NPSR1: variants seen among roughly 807,000 people sequenced by gnomAD.
The protein encoded by NPSR1 is neuropeptide S receptor.
In NPSR1, 48 loss-of-function variants were observed where a neutral mutation model predicts 46.9. The ratio of observed to expected loss-of-function variants is 1.02; its 90% confidence interval spans 0.81 to 1.30. NPSR1 has a LOEUF of 1.30. NPSR1 is among the 50% of genes most tolerant of loss of function. The probability of loss-of-function intolerance (pLI) is 0.00; values close to 1 mark genes in which losing one functional copy is unlikely to be tolerated. For synonymous variants in NPSR1, 176 were observed against 168.1 expected (o/e 1.05, Z -0.36); for missense variants, 450 against 449.5 (o/e 1.00, Z -0.01).
intron 2 of NPSR1, among the ~76,000 whole-genome samples, chr7:34,720,277 GAA>G (rs35040022): frequency 7.2e-6 from 1 of 139,512 alleles, no homozygotes. Context: ...AAGATTCCGA[GAA>G]AAAAAAAAAA....
intron 7 of NPSR1, chr7:34,845,512 C>G (rs1584136463): frequency 4.4e-6 from 2 of 451,306 alleles, no homozygotes; most frequent in Admixed American, 4.9e-5. Flanking sequence ...CTGAAATGCT[C>G]TGCTCTCCGG....
chr7:34,721,505 T>G (rs1226786380), intron 2 of NPSR1, among the ~76,000 whole-genome samples: 1 of 152,214 alleles, frequency 6.6e-6, no homozygotes, highest in Non-Finnish European at 1.5e-5. Flanking sequence ...CATCACATCT[T>G]GCCAAAGCAT....
chr7:34,667,235 G>A (rs1791797313), intron 1 of NPSR1, among the ~76,000 whole-genome samples: 1 of 152,212 alleles, frequency 6.6e-6, no homozygotes, highest in African/African-American at 2.4e-5. Context: ...GGCTGCTCTA[G>A]CCCCAGGCAT....
intron 1 of NPSR1, among the ~76,000 whole-genome samples, chr7:34,683,608 G>C (rs1792772882): frequency 6.6e-6 from 1 of 152,110 alleles, no homozygotes; most frequent in Non-Finnish European, 1.5e-5. Flanking sequence ...TTTCTACAGT[G>C]CCAGGGTCTG....
intron 2 of NPSR1, among the ~76,000 whole-genome samples, chr7:34,745,792 G>A (rs1294804465): frequency 1.3e-5 from 2 of 152,150 alleles, no homozygotes; most frequent in Non-Finnish European, 2.9e-5. Flanking sequence ...GGGATTACAG[G>A]TGTGAGCCAC....
Position 34,703,969 on chromosome 7 carries a change from A to T in NPSR1, c.280+19285A>T, listed in dbSNP as rs557262982. On this transcript the variant is annotated intron_variant, in intron 2 of 8. Coordinates refer to ENST00000360581, the MANE Select transcript of NPSR1 (RefSeq NM_207172.2). ...TCATTTCCTTTTTCTGGTAGGGCCA[A>T]ATCTTCTCATATTGGGAAAGGAAAT... 3.3e-5 allele frequency: 5 copies of T among 152,372 alleles called. No homozygotes were observed. The East Asian group carries it at 9.6e-4, about 29-fold the overall frequency. 9.4% of individuals were successfully genotyped at this position (152,372 alleles called of 1,614,324 possible). A position where few individuals can be genotyped will look rare whatever the true frequency, so the allele number is the denominator to read the frequency against.
chr7:34,716,811 C>A (rs1783597361), intron 2 of NPSR1, among the ~76,000 whole-genome samples: 1 of 152,142 alleles, frequency 6.6e-6, no homozygotes, highest in South Asian at 2.1e-4. Flanking sequence ...GGGAGCATCA[C>A]AGCTTAAGGG....
intron 3 of NPSR1, among the ~76,000 whole-genome samples, chr7:34,807,616 T>G (rs1028197494): frequency 6.6e-6 from 1 of 152,178 alleles, no homozygotes; most frequent in African/African-American, 2.4e-5. Context: ...TTTCCACACT[T>G]AGATATCTAA....
At chr7:34,839,705 C>T (rs1790499134) in intron 6 of NPSR1, among the ~76,000 whole-genome samples, 1 of 152,158 alleles carries the variant, frequency 6.6e-6, no homozygotes, top group Admixed American at 6.5e-5. Flanking sequence ...TTGTTCCACA[C>T]AGTCATTCAG....
chr7:34,877,290 C>T (rs536925519), intron 8 of NPSR1, among the ~76,000 whole-genome samples: 3 of 152,288 alleles, frequency 2.0e-5, no homozygotes, highest in East Asian at 3.9e-4. Flanking sequence ...CAGAGCCAAG[C>T]TGAGATCAAA....
At chr7:34,778,217 C>A (rs1368462277) in intron 2 of NPSR1, among the ~76,000 whole-genome samples, 1 of 152,092 alleles carries the variant, frequency 6.6e-6, no homozygotes, top group Non-Finnish European at 1.5e-5. Flanking sequence ...AGCATGATTC[C>A]TCTTCAGTCA....
At chr7:34,666,164 T>G (rs578204636) in intron 1 of NPSR1, among the ~76,000 whole-genome samples, 20 of 152,368 alleles carry the variant, frequency 1.3e-4, no homozygotes, top group Middle Eastern at 3.4e-3. Context: ...AGCCATGTTC[T>G]ATATTATTTA....
At chr7:34,787,811 T>C (rs1787532319) in intron 3 of NPSR1, among the ~76,000 whole-genome samples, 1 of 152,194 alleles carries the variant, frequency 6.6e-6, no homozygotes, top group Admixed American at 6.5e-5. Flanking sequence ...TCACCTTATA[T>C]GGATGTGATT....
chr7:34,853,113 C>G (rs149912151), downstream of NPSR1, among the ~76,000 whole-genome samples: 62 of 152,262 alleles, frequency 4.1e-4, no homozygotes, highest in African/African-American at 1.4e-3. Flanking sequence ...CAGCCCAACA[C>G]GCAGCTTAAA....
chr7:34,715,446 C>A (rs568542346), intron 2 of NPSR1, among the ~76,000 whole-genome samples: 34 of 152,344 alleles, frequency 2.2e-4, no homozygotes, highest in Non-Finnish European at 2.9e-4. Context: ...GTCAGCCCTA[C>A]AGAACCTTCT....
rs907167824 is a variant in NPSR1, at chr7:34,700,090, G to C, written c.280+15406G>C. On this transcript the variant is annotated intron_variant, in intron 2 of 8. Transcript: ENST00000360581. ...TAACTTGGGAACACAGTAAGGGAAG[G>C]AAAATAACTTTGTTGTGGAGAGGGC... 6.6e-5 allele frequency among the ~76,000 whole-genome samples: 10 copies of C among 152,302 alleles called. 1 individual carries two copies. The highest frequency in any genetic ancestry group is 4.6e-4 in the Admixed American group (7 of 15,306).
intron 4 of NPSR1, among the ~76,000 whole-genome samples, chr7:34,820,779 T>A (rs1488613044): frequency 6.6e-6 from 1 of 152,204 alleles, no homozygotes; most frequent in Non-Finnish European, 1.5e-5. Context: ...TTTTTTCTGG[T>A]TGACAATTGG....
intron 2 of NPSR1, chr7:34,750,251 C>G: frequency 3.1e-6 from 2 of 649,862 alleles, no homozygotes; most frequent in Middle Eastern, 8.0e-4. Flanking sequence ...GATGACTTCT[C>G]AGGATCTGTG....
At chr7:34,782,999 A>G (rs898915413) in intron 3 of NPSR1, among the ~76,000 whole-genome samples, 5 of 152,164 alleles carry the variant, frequency 3.3e-5, no homozygotes, top group African/African-American at 7.2e-5. Flanking sequence ...TAATAAATGC[A>G]CTAGACAGCA....
Sources: gnomAD v4.1 joint callset for allele counts (sites outside exome capture counted in the v4.1 genomes callset) on GRCh38, gnomAD v4.1.1 for gene constraint, MANE v1.5 for transcripts, NCBI Gene and HGNC (gene_info 2026-07-23, HGNC 2026-07-21) for gene names.